Variants in RAP1GAP2 observed in about 807,000 individuals in gnomAD.
RAP1GAP2 encodes rap1 GTPase-activating protein 2.
Under a neutral mutation model 95.0 loss-of-function variants are expected in RAP1GAP2, and 27 were observed. The observed-to-expected ratio is 0.28, with a 90% confidence interval of 0.21 to 0.39. RAP1GAP2 has a LOEUF of 0.39. Among genes scored for constraint, RAP1GAP2 ranks in the 10% least tolerant of loss-of-function variants. The pLI, the probability that RAP1GAP2 is intolerant of heterozygous loss-of-function variation, is 1.00. For synonymous variants in RAP1GAP2, 373 were observed against 380.9 expected, an observed-to-expected ratio of 0.98 and a Z score of 0.24; for missense variants, 771 against 970.0, an observed-to-expected ratio of 0.79 and a Z score of 2.72.
In RAP1GAP2 at chr17:3,034,023, C is replaced by T. The variant is rs12150574; in HGVS notation, c.*662C>T. The T allele has an allele frequency of 0.092, 14,026 of 153,026 alleles. 818 individuals carry two copies. Among genetic ancestry groups the T allele is most frequent in the Admixed American group, 0.13 (1,937 of 15,306 alleles). 9.5% of individuals were successfully genotyped at this position (153,026 alleles called of 1,614,324 possible). A position where few individuals can be genotyped will look rare whatever the true frequency, so the allele number is the denominator to read the frequency against. ...TGCCCTGCCCCTGCTGCCAGTGTAC[C>T]GTGAGCGGGGCTCCAGCCAGTTCAA... On this transcript the variant is annotated 3_prime_UTR_variant, in exon 25 of 25. Transcript: ENST00000254695. The surrounding 1 kb of genome is among the most constrained non-coding windows in gnomAD (Gnocchi z 5.1).
chr17:2,965,971 T>A lies in RAP1GAP2; in HGVS notation c.596+328T>A, dbSNP rs2044577198. ...AGTAGGGATGGTTCAGTGTGACTCA[T>A]CCTGCTGAGACACAGCTCCGAGTCC... On this transcript the variant is annotated intron_variant, in intron 8 of 24. Transcript: ENST00000254695. The surrounding 1 kb of genome is among the most constrained non-coding windows in gnomAD (Gnocchi z 4.7). The A allele has an allele frequency of 3.3e-6, 1 of 306,058 alleles. No homozygotes were observed. Among genetic ancestry groups the A allele is most frequent in the African/African-American group, 2.1e-5 (1 of 47,564 alleles). The allele number at this position is 306,058 out of a possible 1,614,324, so 19.0% of individuals were successfully genotyped here.
At chr17:2,815,179 C>T (rs2069952231) in intron 2 of RAP1GAP2, among the ~76,000 whole-genome samples, 1 of 152,150 alleles carries the variant, frequency 6.6e-6, no homozygotes, top group Admixed American at 6.5e-5. Flanking sequence ...TGAGGTGCTG[C>T]TGATGAGGCA....
At chr17:2,783,311 C>A (rs1166436320) in intron 1 of RAP1GAP2, among the ~76,000 whole-genome samples, 1 of 152,174 alleles carries the variant, frequency 6.6e-6, no homozygotes, top group Non-Finnish European at 1.5e-5. Flanking sequence ...ATTGTAAATA[C>A]CTGCATAAAG....
chr17:2,952,447 G>A (rs183142541), intron 3 of RAP1GAP2, among the ~76,000 whole-genome samples: 44 of 152,272 alleles, frequency 2.9e-4, no homozygotes, highest in Middle Eastern at 3.4e-3. Flanking sequence ...GGCATGGCCC[G>A]GATATTGTTC....
chr17:2,951,223 CTGTG>C (rs1567814704), intron 3 of RAP1GAP2, among the ~76,000 whole-genome samples: 1 of 152,264 alleles, frequency 6.6e-6, no homozygotes, highest in Admixed American at 6.5e-5. Context: ...GCTTCACTGA[CTGTG>C]TGCCGAGCTG....
chr17:2,857,831 A>G lies in RAP1GAP2; in HGVS notation c.81-47453A>G, dbSNP rs1429485887. ...ATGTACGTTCTTGGCCGGGCGCGGC[A>G]GCTCACGCCTGTAATCCCAGCACTT... On this transcript the variant is annotated intron_variant, in intron 2 of 24. Transcript: ENST00000254695. This position sits in a 1 kb window ranked among gnomAD's most constrained non-coding sequence, Gnocchi z 4.0. Among the ~76,000 whole-genome samples, 1 of 152,114 alleles carries G rather than the reference A, an allele frequency of 6.6e-6. No individual in the cohort carries two copies. The highest frequency in any genetic ancestry group is 1.5e-5 in the Non-Finnish European group (1 of 68,008).
At chr17:3,020,386 C>G (rs1251017931) in intron 18 of RAP1GAP2, 91 bp from the exon 19 acceptor site, 103 of 1,029,058 alleles carry the variant, frequency 1.0e-4, no homozygotes, top group Non-Finnish European at 1.5e-5. Flanking sequence ...TCTTCCAGAC[C>G]AGGAGCCATT....
At chr17:2,985,099 C>T in intron 11 of RAP1GAP2, 33 bp downstream of exon 11, 4 of 1,612,358 alleles carry the variant, frequency 2.5e-6, no homozygotes, top group Non-Finnish European at 2.5e-6. Flanking sequence ...GTGACTGTAT[C>T]CCGTGGTTTC....
At chr17:2,987,238 A>G (rs112142093) in intron 11 of RAP1GAP2, among the ~76,000 whole-genome samples, 229 of 152,380 alleles carry the variant, frequency 1.5e-3, no homozygotes, top group African/African-American at 5.4e-3. Flanking sequence ...CACAGACCAT[A>G]TCCAGGATCT....
At position 2,909,843 on chromosome 17, in the gene RAP1GAP2, T is replaced by C. The variant is rs9894571; in HGVS notation, c.165+4475T>C. On this transcript the variant is annotated intron_variant, in intron 3 of 24. Coordinates refer to ENST00000254695, the MANE Select transcript of RAP1GAP2 (RefSeq NM_015085.5). Reference sequence around the variant, plus strand: ...GATTGTCCTGGGGACTCAGACTGGGTGGGGGTCCTTCTGTGGTTGGGGTTG... The same window carrying C: ...GATTGTCCTGGGGACTCAGACTGGGCGGGGGTCCTTCTGTGGTTGGGGTTG... Among the ~76,000 whole-genome samples, 795 of 152,146 alleles carry C rather than the reference T, an allele frequency of 5.2e-3. 6 individuals carry two copies. The highest frequency in any genetic ancestry group is 0.018 in the African/African-American group (753 of 41,490).
chr17:2,927,637 C>T (rs1005451873), intron 3 of RAP1GAP2, among the ~76,000 whole-genome samples: 1 of 152,200 alleles, frequency 6.6e-6, no homozygotes, highest in Non-Finnish European at 1.5e-5. Flanking sequence ...CACACATTCC[C>T]AGGTTTTGGG....
intron 8 of RAP1GAP2, among the ~76,000 whole-genome samples, chr17:2,968,517 A>T (rs1270155216): frequency 6.6e-6 from 1 of 152,226 alleles, no homozygotes; most frequent in Non-Finnish European, 1.5e-5. Context: ...AATCAATGAA[A>T]GGAAACTAAT....
rs939114631 is a variant in RAP1GAP2 at position 2,827,706 on chromosome 17, C to T, written c.80+27156C>T. ...GCCTGTAATCCCCAAGCTCTTCTCC[C>T]AGCCCACCCGGCACCAGCCAGTTTG... On this transcript the variant is annotated intron_variant, in intron 2 of 24. Coordinates refer to ENST00000254695, the MANE Select transcript of RAP1GAP2 (RefSeq NM_015085.5). The surrounding 1 kb of genome is among the most constrained non-coding windows in gnomAD (Gnocchi z 4.1). Among the ~76,000 whole-genome samples the T allele has an allele frequency of 6.6e-6, 1 of 152,036 alleles. No individual in the cohort carries two copies. Among genetic ancestry groups the T allele is most frequent in the Non-Finnish European group, 1.5e-5 (1 of 68,008 alleles).
chr17:2,866,208 A>G lies in RAP1GAP2; in HGVS notation c.81-39076A>G, dbSNP rs2072604708. On this transcript the variant is annotated intron_variant, in intron 2 of 24. Coordinates refer to ENST00000254695, the MANE Select transcript of RAP1GAP2 (RefSeq NM_015085.5). The surrounding 1 kb of genome is among the most constrained non-coding windows in gnomAD (Gnocchi z 4.0). ...AGCACATCCCCAAAGGAGACAGTGG[A>G]AGACAAGGGGCCAAGATAAAAAAAC... Among the ~76,000 whole-genome samples the G allele has an allele frequency of 6.6e-6, 1 of 152,228 alleles. No homozygotes were observed. Among genetic ancestry groups the G allele is most frequent in the Admixed American group, 6.5e-5 (1 of 15,280 alleles).
chr17:2,925,756 G>A (rs2042935584), intron 3 of RAP1GAP2, among the ~76,000 whole-genome samples: 1 of 152,150 alleles, frequency 6.6e-6, no homozygotes. Flanking sequence ...CAGAAAGCAG[G>A]CCAGCAGCCC....
chr17:2,964,050 G>A lies in RAP1GAP2; in HGVS notation c.474G>A (p.Arg158=). Residue 158 remains arginine (R), a synonymous_variant, in exon 7 of 25, where the codon CGG becomes CGA. Transcript: ENST00000254695. The part of the protein sequence containing the change: ...LECKGEARAY[R]RHFLGKDHLN... ...GCAAGGGTGAAGCCAGGGCCTACCGGAGGCACTTCCTGGGGAAGGTGAGGC... is the reference window on the plus strand; with the variant it reads ...GCAAGGGTGAAGCCAGGGCCTACCGAAGGCACTTCCTGGGGAAGGTGAGGC... 6.2e-7 allele frequency: 1 copy of A among 1,610,694 alleles called. No homozygotes were observed. Among genetic ancestry groups the A allele is most frequent in the Non-Finnish European group, 8.5e-7 (1 of 1,178,994 alleles).
chr17:2,850,699 A>G (rs7225199), intron 2 of RAP1GAP2, among the ~76,000 whole-genome samples: 118,064 of 144,666 alleles, frequency 0.82, 48,276 homozygotes, highest in Non-Finnish European at 0.84. Flanking sequence ...GCAGTGAGCC[A>G]AGATCTTGCC....
At chr17:2,884,517 C>T (rs370386831) in intron 2 of RAP1GAP2, among the ~76,000 whole-genome samples, 3 of 151,710 alleles carry the variant, frequency 2.0e-5, no homozygotes, top group Non-Finnish European at 4.4e-5. Flanking sequence ...GGACTACAGG[C>T]GTGCACCACT....
At chr17:2,766,766 A>G (rs72817343) in intron 1 of RAP1GAP2, among the ~76,000 whole-genome samples, 59,414 of 152,048 alleles carry the variant, frequency 0.39, 12,339 homozygotes, top group African/African-American at 0.53. Context: ...ACCTTAGGAC[A>G]TCCCAGCCTC....
Sources: allele counts gnomAD v4.1 joint callset (sites outside exome capture counted in the v4.1 genomes callset), GRCh38; gene constraint gnomAD v4.1.1; non-coding constraint Gnocchi (gnomAD v3.1); transcripts MANE v1.5; gene names NCBI Gene and HGNC (gene_info 2026-07-23, HGNC 2026-07-21).